PCDH7: variants seen among roughly 807,000 people sequenced by gnomAD.
The protein encoded by PCDH7 is protocadherin 7.
Under a neutral mutation model 58.9 loss-of-function variants are expected in PCDH7, and 17 were observed. The ratio of observed to expected loss-of-function variants is 0.29; its 90% CI spans 0.20 to 0.43. The LOEUF is 0.43. Among genes scored for constraint, PCDH7 ranks in the 20% least tolerant of loss-of-function variants. PCDH7 has a pLI of 1.00. For synonymous variants in PCDH7, 664 were observed against 616.4 expected (o/e 1.08, Z -1.14); for missense variants, 1,274 against 1,441.0 (o/e 0.88, Z 1.88).
At chr4:31,078,840 G>A (rs1759233167) in intron 3 of PCDH7, among the ~76,000 whole-genome samples, 1 of 151,830 alleles carries the variant, frequency 6.6e-6, no homozygotes, top group Non-Finnish European at 1.5e-5. Flanking sequence ...GTGGTTAAGA[G>A]GATGGTATTG....
chr4:31,070,492 T>A (rs962198117), intron 3 of PCDH7, among the ~76,000 whole-genome samples: 48 of 152,188 alleles, frequency 3.2e-4, no homozygotes, highest in African/African-American at 1.1e-3. Flanking sequence ...TACATAGATA[T>A]GTTCTCAAGG....
At chr4:30,939,729 T>C (rs777629057) in intron 2 of PCDH7, among the ~76,000 whole-genome samples, 1 of 152,074 alleles carries the variant, frequency 6.6e-6, no homozygotes, top group Non-Finnish European at 1.5e-5. Flanking sequence ...CCTAGTAAAA[T>C]TGAATGCTGT....
chr4:31,091,468 T>A (rs897726298), intron 3 of PCDH7, among the ~76,000 whole-genome samples: 11 of 151,876 alleles, frequency 7.2e-5, no homozygotes, highest in African/African-American at 1.9e-4. Flanking sequence ...GTGATATTAA[T>A]AAAATGAAAA....
intron 1 of PCDH7, among the ~76,000 whole-genome samples, chr4:30,760,559 G>A (rs965739371): frequency 3.3e-5 from 5 of 151,954 alleles, no homozygotes; most frequent in Non-Finnish European, 7.4e-5. Flanking sequence ...CAACAGACAA[G>A]CAGAAACCCA....
rs1418443406 is a variant in PCDH7 at position 30,894,484 on chromosome 4, A to T, written c.71-25669A>T. 5.3e-3 allele frequency among the ~76,000 whole-genome samples: 291 copies of T among 54,612 alleles called. 9 individuals carry two copies. Among genetic ancestry groups the T allele is most frequent in the African/African-American group, 0.018 (267 of 14,546 alleles). The allele number at this position is 54,612 out of a possible 152,430, so 35.8% of individuals were successfully genotyped here. A position where few individuals can be genotyped will look rare whatever the true frequency, so the allele number is the denominator to read the frequency against. On this transcript the variant is annotated intron_variant, in intron 1 of 3. Coordinates refer to the PCDH7 transcript ENST00000509759. ...TCAGGAAAAAAAAAAAAAAAAAAAA[A>T]AAAAAAATATATATATATATATATA... is the stretch of plus-strand genomic sequence containing the variant.
intron 1 of PCDH7, among the ~76,000 whole-genome samples, chr4:30,840,487 C>T (rs547098344): frequency 1.1e-4 from 16 of 152,006 alleles, no homozygotes; most frequent in Admixed American, 5.9e-4. Flanking sequence ...CTCATACTTC[C>T]GTTATTGTAT....
chr4:31,085,361 G>A (rs1160534257), intron 3 of PCDH7, among the ~76,000 whole-genome samples: 5 of 152,124 alleles, frequency 3.3e-5, no homozygotes, highest in Non-Finnish European at 4.4e-5. Flanking sequence ...GTAGCCTACA[G>A]CTGTATGACT....
intron 3 of PCDH7, among the ~76,000 whole-genome samples, chr4:31,083,117 A>C (rs1166861526): frequency 2.0e-5 from 3 of 152,016 alleles, no homozygotes; most frequent in Non-Finnish European, 4.4e-5. Context: ...CAAAAACAAA[A>C]ACAAAAACAA....
intron 2 of PCDH7, among the ~76,000 whole-genome samples, chr4:30,941,433 A>G (rs1009353221): frequency 1.3e-5 from 2 of 151,938 alleles, no homozygotes; most frequent in African/African-American, 2.4e-5. Context: ...AGCGTTTTTG[A>G]CAAAAGAATG....
intron 2 of PCDH7, among the ~76,000 whole-genome samples, chr4:30,942,312 G>T (rs1464479896): frequency 1.3e-5 from 2 of 151,732 alleles, no homozygotes; most frequent in Non-Finnish European, 2.9e-5. Context: ...CAAAATTATT[G>T]ATTAGTATAA....
At chr4:30,775,988 G>A (rs982894022) in intron 1 of PCDH7, among the ~76,000 whole-genome samples, 1 of 152,134 alleles carries the variant, frequency 6.6e-6, no homozygotes. Flanking sequence ...TTCCCTCTAA[G>A]ACATAGAATG....
At chr4:30,789,016 G>A (rs1292800982) in intron 1 of PCDH7, among the ~76,000 whole-genome samples, 1 of 151,966 alleles carries the variant, frequency 6.6e-6, no homozygotes, top group Non-Finnish European at 1.5e-5. Context: ...CACTTAAATT[G>A]ACCTCAAGCG....
At chr4:30,833,393 CTGG>C (rs1730053929) in intron 1 of PCDH7, among the ~76,000 whole-genome samples, 2 of 152,146 alleles carry the variant, frequency 1.3e-5, no homozygotes, top group African/African-American at 4.8e-5. Flanking sequence ...TCAGCAGTGG[CTGG>C]TCATGGGAGT....
chr4:31,105,545 TG>T (rs1715448235), intron 3 of PCDH7, among the ~76,000 whole-genome samples: 1 of 152,156 alleles, frequency 6.6e-6, no homozygotes, highest in Non-Finnish European at 1.5e-5. Flanking sequence ...TTGCTCACTC[TG>T]GGGATCAGCA....
intron 3 of PCDH7, among the ~76,000 whole-genome samples, chr4:31,087,568 A>C (rs1712619362): frequency 6.6e-6 from 1 of 152,128 alleles, no homozygotes; most frequent in Admixed American, 6.5e-5. Flanking sequence ...ATCTGTGTTA[A>C]TGAGAAGAGA....
intron 1 of PCDH7, among the ~76,000 whole-genome samples, chr4:30,894,596 CATAT>C (rs576995805): frequency 7.7e-4 from 95 of 124,120 alleles, no homozygotes; most frequent in African/African-American, 2.1e-3. Flanking sequence ...CACACACACA[CATAT>C]ATATATATAT....
chr4:30,820,820 G>C (rs924812182), intron 1 of PCDH7, among the ~76,000 whole-genome samples: 4 of 152,006 alleles, frequency 2.6e-5, no homozygotes, highest in Non-Finnish European at 5.9e-5. Context: ...CTTTATTAGC[G>C]ATGACACATG....
At chr4:30,986,077 C>A (rs955380870) in intron 3 of PCDH7, among the ~76,000 whole-genome samples, 4 of 152,020 alleles carry the variant, frequency 2.6e-5, no homozygotes, top group Admixed American at 6.6e-5. Context: ...TAATTTTTAC[C>A]TGAAATAGTT....
At chr4:30,917,194 G>GTT (rs1216700562) in intron 1 of PCDH7, among the ~76,000 whole-genome samples, 1 of 152,016 alleles carries the variant, frequency 6.6e-6, no homozygotes, top group Non-Finnish European at 1.5e-5. Context: ...CTCTCTTGCT[G>GTT]TTTCTCTCTC....
Sources: allele counts gnomAD v4.1 joint callset (sites outside exome capture counted in the v4.1 genomes callset), GRCh38; gene constraint gnomAD v4.1.1; transcripts MANE v1.5; gene names NCBI Gene and HGNC (gene_info 2026-07-23, HGNC 2026-07-21).